The following PRKG1 variants were observed in gnomAD, a reference collection of about 807,000 sequenced individuals.
PRKG1 encodes the protein cGMP-dependent protein kinase 1.
Under a neutral mutation model 88.1 loss-of-function variants are expected in PRKG1, and 35 were observed. That is an observed-to-expected ratio of 0.40 (90% CI 0.30 to 0.53). The LOEUF is 0.53. Among genes scored for constraint, PRKG1 ranks in the 20% least tolerant of loss-of-function variants. The pLI is 0.59. For missense variants in PRKG1, 540 were observed against 839.8 expected, an observed-to-expected ratio of 0.64 and a Z score of 4.41; for synonymous variants, 303 against 292.5, an observed-to-expected ratio of 1.04 and a Z score of -0.37.
chr10:51,484,663 C>T (rs371373690), intron 3 of PRKG1, among the ~76,000 whole-genome samples: 8 of 152,166 alleles, frequency 5.3e-5, no homozygotes, highest in African/African-American at 1.4e-4. Context: ...CAAGCCCCCA[C>T]GTGAGACTCA....
chr10:51,796,594 GA>G (rs1839018181), intron 3 of PRKG1, among the ~76,000 whole-genome samples: 1 of 152,062 alleles, frequency 6.6e-6, no homozygotes, highest in Non-Finnish European at 1.5e-5. Context: ...TCTGGAAAGG[GA>G]AAAAATATTT....
chr10:51,200,341 T>A (rs1837882559), intron 2 of PRKG1, among the ~76,000 whole-genome samples: 1 of 152,230 alleles, frequency 6.6e-6, no homozygotes, highest in South Asian at 2.1e-4. Context: ...ACAAACATGA[T>A]GTTCAATAAC....
At chr10:51,650,101 C>A (rs1453958534) in intron 3 of PRKG1, among the ~76,000 whole-genome samples, 3 of 152,042 alleles carry the variant, frequency 2.0e-5, no homozygotes, top group Non-Finnish European at 4.4e-5. Flanking sequence ...CTGGAATAGA[C>A]CAACAACTCC....
At chr10:51,024,823 A>G (rs1843185439) in intron 1 of PRKG1, among the ~76,000 whole-genome samples, 1 of 152,088 alleles carries the variant, frequency 6.6e-6, no homozygotes, top group African/African-American at 2.4e-5. Context: ...CTCATTCACT[A>G]TCACCAGAGC....
intron 2 of PRKG1, among the ~76,000 whole-genome samples, chr10:51,181,327 C>T (rs1589224938): frequency 6.8e-6 from 1 of 146,762 alleles, no homozygotes; most frequent in Middle Eastern, 3.6e-3. Context: ...CTGCAAGCTC[C>T]GCTTCCCGGG....
Position 51,915,835 on chromosome 10 carries a change from T to C in PRKG1, c.762+8265T>C, listed in dbSNP as rs186491336. Among the ~76,000 whole-genome samples, 20 of 152,232 alleles carry C rather than the reference T, an allele frequency of 1.3e-4. 1 individual carries two copies. In the East Asian group the frequency reaches 3.9e-3, roughly 29 times the overall value. ...CCAAAGAAGATACACAAAAGTCCTA[T>C]AAGGACACAAAAAATTTCTTAACAT... On this transcript the variant is annotated intron_variant, in intron 5 of 17. Coordinates refer to ENST00000373980, the MANE Select transcript of PRKG1 (RefSeq NM_006258.4).
chr10:51,029,955 T>A (rs1387709421), intron 1 of PRKG1, among the ~76,000 whole-genome samples: 1 of 152,154 alleles, frequency 6.6e-6, no homozygotes. Flanking sequence ...ATCTATCTCC[T>A]AGAACTGTTT....
intron 3 of PRKG1, among the ~76,000 whole-genome samples, chr10:51,537,811 A>G (rs1199169699): frequency 1.3e-5 from 2 of 151,786 alleles, no homozygotes; most frequent in African/African-American, 4.8e-5. Context: ...GTATTCTTTA[A>G]TTGTTCAGGG....
intron 1 of PRKG1, among the ~76,000 whole-genome samples, chr10:51,050,670 A>G (rs1843549377): frequency 1.3e-5 from 2 of 152,154 alleles, no homozygotes; most frequent in Admixed American, 6.5e-5. Flanking sequence ...CTCTGGCTAT[A>G]TACCCAGAAG....
At chr10:51,134,624 C>T (rs976978417) in intron 1 of PRKG1, among the ~76,000 whole-genome samples, 4 of 151,996 alleles carry the variant, frequency 2.6e-5, no homozygotes, top group African/African-American at 4.8e-5. Flanking sequence ...CCTTTTCTAT[C>T]GTAGATTTAA....
At chr10:51,771,315 T>A (rs1471825218) in intron 3 of PRKG1, among the ~76,000 whole-genome samples, 1 of 152,210 alleles carries the variant, frequency 6.6e-6, no homozygotes, top group Non-Finnish European at 1.5e-5. Flanking sequence ...TGTACTTCTA[T>A]GATTACTTAG....
chr10:51,452,370 GT>G (rs933188323), intron 2 of PRKG1, among the ~76,000 whole-genome samples: 2 of 151,812 alleles, frequency 1.3e-5, no homozygotes, highest in African/African-American at 4.8e-5. Flanking sequence ...TCTTTTTTCA[GT>G]TCTCAGGGGG....
chr10:51,154,646 ATG>A (rs1564620347), intron 2 of PRKG1, among the ~76,000 whole-genome samples: 1 of 151,978 alleles, frequency 6.6e-6, no homozygotes, highest in African/African-American at 2.4e-5. Context: ...TTTTGGATAT[ATG>A]TTAGGCATTC....
rs79141661 is a variant in PRKG1, at chr10:51,155,708, C to T, written c.478+2378C>T. On this transcript the variant is annotated intron_variant, in intron 2 of 17. Transcript: ENST00000373980. ...CAAGTCCAAAATCTACAGGGTAAGG[C>T]CCATTGATCAGAGATGCTGCAATTC... Among the ~76,000 whole-genome samples, 486 of 152,008 alleles carry T rather than the reference C, an allele frequency of 3.2e-3. 4 individuals are homozygous for T. Among genetic ancestry groups the T allele is most frequent in the African/African-American group, 0.011 (460 of 41,482 alleles).
At chr10:51,135,996 T>C (rs944747251) in intron 1 of PRKG1, among the ~76,000 whole-genome samples, 1 of 149,638 alleles carries the variant, frequency 6.7e-6, no homozygotes, top group Non-Finnish European at 1.5e-5. Context: ...AGGGATAGCA[T>C]TAGGAGATAT....
chr10:52,156,826 A>C (rs1314586273), intron 8 of PRKG1, among the ~76,000 whole-genome samples: 1 of 151,772 alleles, frequency 6.6e-6, no homozygotes, highest in African/African-American at 2.4e-5. Flanking sequence ...TTGGAACACT[A>C]ACTTTCTACA....
At chr10:51,106,073 C>T (rs186726840) in intron 1 of PRKG1, among the ~76,000 whole-genome samples, 60 of 152,228 alleles carry the variant, frequency 3.9e-4, no homozygotes, top group African/African-American at 9.1e-4. Context: ...GTTAGGTGAG[C>T]GCCCTAGAAT....
chr10:51,614,427 T>C (rs1227583828), intron 3 of PRKG1, among the ~76,000 whole-genome samples: 1 of 148,162 alleles, frequency 6.7e-6, no homozygotes, highest in South Asian at 2.1e-4. Flanking sequence ...GTTGTATCTT[T>C]AAAAAAAAAA....
chr10:51,604,274 A>G (rs1838696018), intron 3 of PRKG1, among the ~76,000 whole-genome samples: 1 of 152,116 alleles, frequency 6.6e-6, no homozygotes, highest in Non-Finnish European at 1.5e-5. Context: ...CTAGGAACTC[A>G]TTACTCCTAT....
Sources: gnomAD v4.1 joint callset for allele counts (sites outside exome capture counted in the v4.1 genomes callset) on GRCh38, gnomAD v4.1.1 for gene constraint, MANE v1.5 for transcripts, NCBI Gene and HGNC (gene_info 2026-07-23, HGNC 2026-07-21) for gene names.